The following DMAC2L variants were observed in gnomAD, a reference collection of about 807,000 sequenced individuals.
DMAC2L encodes ATP synthase subunit s, mitochondrial.
Under a neutral mutation model 22.5 loss-of-function variants are expected in DMAC2L, and 21 were observed. That is an observed-to-expected ratio of 0.93 (90% confidence interval 0.66 to 1.34). DMAC2L has a LOEUF of 1.34. DMAC2L is among the 40% of genes most tolerant of loss of function. DMAC2L has a pLI of 0.00. For missense variants in DMAC2L, 239 were observed against 246.5 expected, an observed-to-expected ratio of 0.97 and a Z score of 0.20; for synonymous variants, 86 against 89.5, an observed-to-expected ratio of 0.96 and a Z score of 0.22.
chr14:50,317,310 G>T (rs1480643773), intron 2 of DMAC2L, among the ~76,000 whole-genome samples: 1 of 152,046 alleles, frequency 6.6e-6, no homozygotes, highest in Non-Finnish European at 1.5e-5. Flanking sequence ...TTCATTTATT[G>T]GTTCTAGGAG....
chr14:50,312,693 C>A (rs1284489084), intron 1 of DMAC2L: 3 of 328,586 alleles, frequency 9.1e-6, no homozygotes, highest in Non-Finnish European at 1.1e-5. Context: ...CCGCGGTAGA[C>A]GGAGGGCCTG....
Position 50,326,515 on chromosome 14 carries a change from A to G in DMAC2L, c.*792A>G, listed in dbSNP as rs2032709843. 1.0e-6 allele frequency: 1 copy of G among 985,326 alleles called. No individual in the cohort carries two copies. Among genetic ancestry groups the G allele is most frequent in the East Asian group, 1.1e-4 (1 of 8,824 alleles). The allele number at this position is 985,326 out of a possible 1,614,324, so 61.0% of individuals were successfully genotyped here. The stretch of plus-strand genomic sequence containing the variant: ...GGTTGTTGAAGCATGCATTGCTTCA[A>G]CAGGATTTGCGTGCATTTCCCATGA... On this transcript the variant is annotated 3_prime_UTR_variant, in exon 6 of 6. Coordinates refer to ENST00000557421, the MANE Select transcript of DMAC2L (RefSeq NM_001382507.1).
At position 50,315,030 on chromosome 14, in the gene DMAC2L, G is replaced by T. The variant is rs188456828; in HGVS notation, c.-6+404G>T. Among the ~76,000 whole-genome samples the T allele has an allele frequency of 2.1e-4, 31 of 148,864 alleles. No homozygotes were observed. In the East Asian group the frequency reaches 6.4e-3, roughly 31 times the overall value. On this transcript the variant is annotated intron_variant, in intron 2 of 5. Transcript: ENST00000557421. ...CACCCAGGCTGGAGTGCAGTGGCAT[G>T]ATCTCAGCTCACTGCAAGCTCTGCC...
At chr14:50,311,882 G>T, upstream of DMAC2L, 1 of 1,261,754 alleles carries the variant, frequency 7.9e-7, no homozygotes, top group Non-Finnish European at 1.1e-6. Flanking sequence ...TCCGAGGTTG[G>T]AGTGCCACAG....
chr14:50,322,599 G>A lies in DMAC2L; in HGVS notation c.196G>A (p.Gly66Ser). Reference sequence around the variant, plus strand: ...CTGTGGGGCCATGGTGCGCTACCATGGCCAGGAGAGGTGGCAGAAGGACTA... The same window carrying A: ...CTGTGGGGCCATGGTGCGCTACCATAGCCAGGAGAGGTGGCAGAAGGACTA... The part of the protein sequence containing the change: ...LRCGAMVRYH[G>S]QERWQKDYNH... Residue 66 changes from glycine (G) to serine (S), a missense_variant, in exon 4 of 6, where the codon GGC becomes AGC. By Grantham distance (56) the Gly-to-Ser change is moderately conservative. Coordinates refer to ENST00000557421, the MANE Select transcript of DMAC2L (RefSeq NM_001382507.1). The A allele has an allele frequency of 5.0e-6, 8 of 1,614,174 alleles. No homozygotes were observed. The highest frequency in any genetic ancestry group is 6.8e-6 in the Non-Finnish European group (8 of 1,180,034).
intron 2 of DMAC2L, 143 bp downstream of exon 2, chr14:50,314,769 G>A (rs1207361759): frequency 1.3e-5 from 5 of 389,262 alleles, no homozygotes; most frequent in African/African-American, 2.1e-5. Context: ...AGCCTCCTGA[G>A]TAGCTGGGAC....
intron 4 of DMAC2L, among the ~76,000 whole-genome samples, chr14:50,323,443 G>T (rs113265146): frequency 0.16 from 22,985 of 139,734 alleles, 2,314 homozygotes; most frequent in African/African-American, 0.29. Flanking sequence ...ACCAAGGCTA[G>T]AGTGCAGTGG....
chr14:50,323,215 A>G (rs2032435436), intron 4 of DMAC2L, among the ~76,000 whole-genome samples: 2 of 150,476 alleles, frequency 1.3e-5, no homozygotes, highest in African/African-American at 2.5e-5. Flanking sequence ...CCTCCTGAGT[A>G]GCTGGGACTA....
chr14:50,315,662 CAAAAAAAAAAAAA>C (rs142527130), intron 2 of DMAC2L, among the ~76,000 whole-genome samples: 11 of 81,558 alleles, frequency 1.3e-4, no homozygotes, highest in Non-Finnish European at 2.1e-4. Flanking sequence ...TTCTGTTTCA[CAAAAAAAAAAAAA>C]AAAAAAAAAA....
At chr14:50,313,524 C>T (rs752893455) in intron 1 of DMAC2L, among the ~76,000 whole-genome samples, 1 of 152,158 alleles carries the variant, frequency 6.6e-6, no homozygotes, top group Non-Finnish European at 1.5e-5. Flanking sequence ...TTTGTTAAAA[C>T]AATGTAGAAT....
chr14:50,324,675 C>G (rs1366003830), intron 5 of DMAC2L: 1 of 152,110 alleles, frequency 6.6e-6, no homozygotes, highest in Admixed American at 6.6e-5. Flanking sequence ...TCACCTAATC[C>G]CAAATGCAAA....
At chr14:50,324,152 G>T in intron 5 of DMAC2L, 36 bp downstream of exon 5, 1 of 1,565,248 alleles carries the variant, frequency 6.4e-7, no homozygotes, top group Non-Finnish European at 8.7e-7. Flanking sequence ...ACTTGATAAT[G>T]CTGTTAAGGT....
At chr14:50,317,484 T>C (rs1246158424) in intron 2 of DMAC2L, among the ~76,000 whole-genome samples, 6 of 152,024 alleles carry the variant, frequency 3.9e-5, no homozygotes, top group African/African-American at 1.4e-4. Context: ...GTGATGAGAG[T>C]GGGGCTGGGT....
upstream of DMAC2L, chr14:50,312,197 A>T (rs202145436): frequency 1.2e-6 from 2 of 1,602,470 alleles, no homozygotes; most frequent in Middle Eastern, 3.3e-4. Flanking sequence ...AAGCCACTTG[A>T]CCCTCCACGG....
chr14:50,325,759 G>A lies in DMAC2L; in HGVS notation c.*36G>A. The A allele has an allele frequency of 6.3e-7, 1 of 1,584,590 alleles. No homozygotes were observed. On this transcript the variant is annotated 3_prime_UTR_variant, in exon 6 of 6. Coordinates refer to ENST00000557421, the MANE Select transcript of DMAC2L (RefSeq NM_001382507.1). ...CTTATTTCAGTATAAAGGATCATTT[G>A]AAACTGTTGATTCCAAACATCAACT...
chr14:50,322,192 G>C (rs2032329682), intron 3 of DMAC2L, among the ~76,000 whole-genome samples: 1 of 152,178 alleles, frequency 6.6e-6, no homozygotes, highest in Non-Finnish European at 1.5e-5. Flanking sequence ...TCGTAGAATA[G>C]TTACTAAGTA....
intron 1 of DMAC2L, chr14:50,313,087 A>G (rs1029406906): frequency 1.3e-6 from 2 of 1,560,712 alleles, no homozygotes; most frequent in Non-Finnish European, 1.8e-6. Context: ...CCCTTTATGT[A>G]AAAATGAGGG....
In DMAC2L at chr14:50,312,361, T is replaced by C; in HGVS notation, c.-70T>C. The stretch of plus-strand genomic sequence containing the variant: ...GTGCCGCAGACGCGGGGACGCTGGC[T>C]CGCTCCCTCCCTCCCTCCCTCCGAC... On this transcript the variant is annotated 5_prime_UTR_variant, in exon 1 of 6. Coordinates refer to ENST00000557421, the MANE Select transcript of DMAC2L (RefSeq NM_001382507.1). The C allele has an allele frequency of 3.1e-6, 2 of 653,942 alleles. No homozygotes were observed. The highest frequency in any genetic ancestry group is 5.2e-6 in the Non-Finnish European group (2 of 384,284). The allele number at this position is 653,942 out of a possible 1,614,324, so 40.5% of individuals were successfully genotyped here.
intron 2 of DMAC2L, chr14:50,321,257 C>G (rs1324750897): frequency 3.1e-6 from 2 of 643,310 alleles, no homozygotes; most frequent in African/African-American, 3.8e-5. Flanking sequence ...ACTTAACGTT[C>G]TAGCCGGAAG....
Sources: gnomAD v4.1 joint callset for allele counts (sites outside exome capture counted in the v4.1 genomes callset) on GRCh38, gnomAD v4.1.1 for gene constraint, MANE v1.5 for transcripts, NCBI Gene and HGNC (gene_info 2026-07-23, HGNC 2026-07-21) for gene names.